ZNF423: variants seen among roughly 807,000 people sequenced by gnomAD.
ZNF423 encodes the protein zinc finger protein 423, also known as Ebf-associated zinc finger protein.
ZNF423 carries 12 observed loss-of-function variants against 95.8 expected under a neutral mutation model. The ratio of observed to expected loss-of-function variants is 0.13; its 90% CI spans 0.08 to 0.20. The LOEUF (loss-of-function observed/expected upper bound fraction) is 0.20. ZNF423 is among the 10% of genes least tolerant of loss of function. ZNF423 has a pLI of 1.00. For missense variants in ZNF423, 1,316 were observed against 1,737.1 expected (o/e 0.76, Z 4.31); for synonymous variants, 749 against 711.9 (o/e 1.05, Z -0.83).
chr16:49,684,852 C>T (rs1009164632), intron 3 of ZNF423, among the ~76,000 whole-genome samples: 3 of 152,216 alleles, frequency 2.0e-5, no homozygotes, highest in African/African-American at 7.2e-5. Flanking sequence ...GGCCCTGACA[C>T]GCGGCCAGCT....
intron 1 of ZNF423, among the ~76,000 whole-genome samples, chr16:49,800,483 C>T (rs538464749): frequency 6.6e-6 from 1 of 152,194 alleles, no homozygotes; most frequent in South Asian, 2.1e-4. Flanking sequence ...TAAATTGGCA[C>T]AGATGCAGCT....
At chr16:49,741,402 G>A (rs908854077) in intron 2 of ZNF423, among the ~76,000 whole-genome samples, 6 of 152,058 alleles carry the variant, frequency 3.9e-5, no homozygotes, top group Non-Finnish European at 8.8e-5. Flanking sequence ...AGCTACTCGG[G>A]GGGCTGAGGC....
chr16:49,620,754 A>G (rs902747803), intron 5 of ZNF423, among the ~76,000 whole-genome samples: 12 of 152,122 alleles, frequency 7.9e-5, no homozygotes, highest in African/African-American at 2.9e-4. Flanking sequence ...CAAGTTTGTT[A>G]TCTCAAGGAC....
chr16:49,756,757 G>A (rs1320463760), intron 2 of ZNF423, among the ~76,000 whole-genome samples: 2 of 152,210 alleles, frequency 1.3e-5, no homozygotes, highest in African/African-American at 4.8e-5. Flanking sequence ...CGGGTCATGG[G>A]TGGGCTGAGA....
chr16:49,526,780 G>A (rs1012286547), intron 5 of ZNF423, among the ~76,000 whole-genome samples: 12 of 152,200 alleles, frequency 7.9e-5, no homozygotes, highest in African/African-American at 1.2e-4. Flanking sequence ...CAGCTTTTCT[G>A]TTATAGTTGC....
intron 3 of ZNF423, among the ~76,000 whole-genome samples, chr16:49,651,287 A>C (rs914008942): frequency 1.3e-5 from 2 of 151,832 alleles, no homozygotes; most frequent in African/African-American, 4.8e-5. Flanking sequence ...CAGCCTCCCA[A>C]AGCACTGGGA....
intron 1 of ZNF423, among the ~76,000 whole-genome samples, chr16:49,840,873 C>T (rs1002706761): frequency 2.6e-5 from 4 of 152,234 alleles, no homozygotes; most frequent in East Asian, 1.9e-4. Context: ...AGGGCATATG[C>T]CCTCCCACAC....
intron 1 of ZNF423, among the ~76,000 whole-genome samples, chr16:49,791,613 A>T (rs1291978534): frequency 6.6e-6 from 1 of 152,172 alleles, no homozygotes; most frequent in African/African-American, 2.4e-5. Context: ...AATGACGTAA[A>T]GGTATATGAG....
chr16:49,653,634 T>C (rs1157126860), intron 3 of ZNF423, among the ~76,000 whole-genome samples: 1 of 152,142 alleles, frequency 6.6e-6, no homozygotes, highest in African/African-American at 2.4e-5. Flanking sequence ...CAGAGCTGCA[T>C]CCCCATCTGA....
chr16:49,640,588 C>T (rs1972939249), intron 3 of ZNF423: 1 of 152,058 alleles, frequency 6.6e-6, no homozygotes, highest in South Asian at 2.1e-4. Context: ...GGCCCCGCCC[C>T]CACCCCCTGG....
In ZNF423 at chr16:49,616,967, T is replaced by A. The variant is rs116425660; in HGVS notation, c.3601+9203A>T. ...TGTGCTGGGACCTTTTCATACATTT[T>A]AATTTATTTAATCCTCCAAACAGTG... On this transcript the variant is annotated intron_variant, in intron 5 of 7. Transcript: ENST00000563137. Among the ~76,000 whole-genome samples, 154 of 152,344 alleles carry A rather than the reference T, an allele frequency of 1.0e-3. 1 individual carries two copies. Among genetic ancestry groups the A allele is most frequent in the African/African-American group, 3.6e-3 (148 of 41,574 alleles).
In ZNF423 at chr16:49,638,990, G is replaced by T. The variant is rs1972873288; in HGVS notation, c.302-116C>A. 1 of 1,448,114 alleles carries T rather than the reference G, an allele frequency of 6.9e-7. No homozygotes were observed. The highest frequency in any genetic ancestry group is 1.4e-5 in the African/African-American group (1 of 70,290). The allele number at this position is 1,448,114 out of a possible 1,614,324, so 89.7% of individuals were successfully genotyped here. On this transcript the variant is annotated intron_variant, in intron 3 of 7. Coordinates refer to ENST00000563137, the MANE Select transcript of ZNF423 (RefSeq NM_001379286.1). The surrounding 1 kb of genome is among the most constrained non-coding windows in gnomAD (Gnocchi z 5.6). ...GAGGCTGTGCAGCTGGCCAACGGCT[G>T]CAGGGGGCTGTGGGGAGGGGCAGGG...
At chr16:49,661,574 T>C (rs1043517647) in intron 3 of ZNF423, among the ~76,000 whole-genome samples, 9 of 152,166 alleles carry the variant, frequency 5.9e-5, no homozygotes, top group African/African-American at 9.7e-5. Flanking sequence ...CCTGTCTCTG[T>C]CCAATGGACC....
At chr16:49,652,522 C>G (rs1015549751) in intron 3 of ZNF423, among the ~76,000 whole-genome samples, 1 of 152,194 alleles carries the variant, frequency 6.6e-6, no homozygotes, top group African/African-American at 2.4e-5. Context: ...GGAAGGTTCT[C>G]CTGCCAGCCT....
intron 2 of ZNF423, among the ~76,000 whole-genome samples, chr16:49,782,822 T>C (rs2034234617): frequency 6.6e-6 from 1 of 151,996 alleles, no homozygotes; most frequent in Admixed American, 6.6e-5. Flanking sequence ...TACATAAAAA[T>C]GACCCCCTTA....
chr16:49,642,750 A>C (rs1447151349), intron 3 of ZNF423, among the ~76,000 whole-genome samples: 2 of 151,930 alleles, frequency 1.3e-5, no homozygotes, highest in Non-Finnish European at 2.9e-5. Context: ...GCTAGGGCCA[A>C]AGCTCGGGAT....
chr16:49,509,141 G>A (rs937654634), intron 7 of ZNF423, among the ~76,000 whole-genome samples: 1 of 152,282 alleles, frequency 6.6e-6, no homozygotes, highest in Admixed American at 6.5e-5. Flanking sequence ...AAGCAAAGTG[G>A]CTCGCTAAGT....
At chr16:49,734,143 C>T (rs2033231393) in intron 2 of ZNF423, among the ~76,000 whole-genome samples, 1 of 152,188 alleles carries the variant, frequency 6.6e-6, no homozygotes, top group Non-Finnish European at 1.5e-5. Context: ...ACCTGGAGAC[C>T]GTCTGGGGTT....
intron 5 of ZNF423, among the ~76,000 whole-genome samples, chr16:49,549,184 T>C (rs1969542678): frequency 2.0e-5 from 3 of 152,132 alleles, no homozygotes; most frequent in Admixed American, 6.5e-5. Flanking sequence ...GGGCTTTGGA[T>C]TCCTGGGGCC....
Sources: allele counts gnomAD v4.1 joint callset (sites outside exome capture counted in the v4.1 genomes callset), GRCh38; gene constraint gnomAD v4.1.1; non-coding constraint Gnocchi (gnomAD v3.1); transcripts MANE v1.5; gene names NCBI Gene and HGNC (gene_info 2026-07-23, HGNC 2026-07-21).